The following VAT1L variants were observed in gnomAD, a reference collection of about 807,000 sequenced individuals.
VAT1L encodes the protein putative NADPH-dependent quinone oxidoreductase VAT1L.
Under a neutral mutation model 44.1 loss-of-function variants are expected in VAT1L, and 34 were observed. That is an observed-to-expected ratio of 0.77 (90% confidence interval 0.59 to 1.03). The LOEUF (loss-of-function observed/expected upper bound fraction) is 1.03. VAT1L is among the 50% of genes least tolerant of loss of function. VAT1L has a pLI of 0.00. For synonymous variants in VAT1L, 253 were observed against 202.2 expected (o/e 1.25, Z -2.13); for missense variants, 615 against 538.8 (o/e 1.14, Z -1.40).
Position 77,823,354 on chromosome 16 carries a change from C to A in VAT1L, c.364-1892C>A, listed in dbSNP as rs146594874. 5.9e-5 allele frequency among the ~76,000 whole-genome samples: 9 copies of A among 152,230 alleles called. No individual in the cohort carries two copies. The East Asian group carries it at 1.7e-3, about 29-fold the overall frequency. Reference sequence around the variant, plus strand: ...CCTTCCAAGTAGATTTTCCTCTAAGCCCTATCACTCATAGCACTTGTCATA... The same window carrying A: ...CCTTCCAAGTAGATTTTCCTCTAAGACCTATCACTCATAGCACTTGTCATA... On this transcript the variant is annotated intron_variant, in intron 2 of 8. Transcript: ENST00000302536.
intron 4 of VAT1L, among the ~76,000 whole-genome samples, chr16:77,864,762 T>C (rs2016954017): frequency 1.3e-5 from 2 of 152,110 alleles, no homozygotes; most frequent in South Asian, 4.1e-4. Context: ...ATGGTCTTAG[T>C]TTTCAGATTT....
intron 4 of VAT1L, among the ~76,000 whole-genome samples, chr16:77,874,778 T>G (rs2017069648): frequency 6.9e-6 from 1 of 144,116 alleles, no homozygotes; most frequent in Admixed American, 7.2e-5. Flanking sequence ...AGCAATATAC[T>G]ACATCCTCCA....
In VAT1L at chr16:77,977,842, CACT is replaced by C; in HGVS notation, c.*148_*150del. On this transcript the variant is annotated 3_prime_UTR_variant, in exon 9 of 9. Transcript: ENST00000302536. ...TCAGCTGAGCTAAAAAGCTGTTGATCACTGTTGTTTTTTGAAGTGCCAATCCCA... is the reference window on the plus strand; with the variant it reads ...TCAGCTGAGCTAAAAAGCTGTTGATCGTTGTTTTTTGAAGTGCCAATCCCA... 1.3e-6 allele frequency: 1 copy of C among 769,764 alleles called. No individual in the cohort carries two copies. Among genetic ancestry groups the C allele is most frequent in the African/African-American group, 1.8e-5 (1 of 57,042 alleles). 47.7% of individuals were successfully genotyped at this position (769,764 alleles called of 1,614,324 possible).
intron 3 of VAT1L, among the ~76,000 whole-genome samples, chr16:77,861,662 T>C (rs1288446119): frequency 6.6e-6 from 1 of 152,230 alleles, no homozygotes; most frequent in East Asian, 1.9e-4. Flanking sequence ...TTTTCTGCAC[T>C]TAACATGCCG....
At chr16:77,845,170 C>A (rs760697570) in intron 3 of VAT1L, among the ~76,000 whole-genome samples, 1 of 151,284 alleles carries the variant, frequency 6.6e-6, no homozygotes. Context: ...ATATCCCCAT[C>A]CCTGAGGTCG....
chr16:77,942,002 T>C (rs577380076), intron 7 of VAT1L, among the ~76,000 whole-genome samples: 1 of 152,342 alleles, frequency 6.6e-6, no homozygotes, highest in Non-Finnish European at 1.5e-5. Context: ...TTTTTAATAA[T>C]AGCCATTCTG....
intron 3 of VAT1L, among the ~76,000 whole-genome samples, chr16:77,833,833 G>C (rs977684757): frequency 6.6e-6 from 1 of 152,102 alleles, no homozygotes; most frequent in Non-Finnish European, 1.5e-5. Context: ...ATTAGAAGTG[G>C]AGGTGGGCTG....
chr16:77,824,798 G>T (rs2016499041), intron 2 of VAT1L, among the ~76,000 whole-genome samples: 1 of 148,384 alleles, frequency 6.7e-6, no homozygotes, highest in African/African-American at 2.5e-5. Flanking sequence ...AATTTGGATA[G>T]AGTTCTCAAG....
intron 7 of VAT1L, among the ~76,000 whole-genome samples, chr16:77,941,110 G>A (rs1567515908): frequency 6.6e-6 from 1 of 152,038 alleles, no homozygotes; most frequent in East Asian, 1.9e-4. Flanking sequence ...ATGCAGAGTG[G>A]GCTTTTCCTT....
At chr16:77,954,981 T>G (rs1436909654) in intron 7 of VAT1L, among the ~76,000 whole-genome samples, 1 of 152,176 alleles carries the variant, frequency 6.6e-6, no homozygotes, top group East Asian at 1.9e-4. Flanking sequence ...ATTTCTATTT[T>G]TAAGAAAAGC....
chr16:77,947,729 A>G (rs1379638310), intron 7 of VAT1L, among the ~76,000 whole-genome samples: 1 of 152,154 alleles, frequency 6.6e-6, no homozygotes, highest in African/African-American at 2.4e-5. Context: ...GCCTGAGTGT[A>G]TGCAGTTTCT....
In VAT1L at chr16:77,925,057, A is replaced by G. The variant is rs114135923; in HGVS notation, c.1077+40255A>G. 4.1e-3 allele frequency among the ~76,000 whole-genome samples: 625 copies of G among 152,296 alleles called. 4 individuals are homozygous for G. The highest frequency in any genetic ancestry group is 0.014 in the African/African-American group (595 of 41,572). ...TGAGAACATGGGTGGTCCGTTATGT[A>G]AAGCTCCTCATGGAATGTTCAGCTT... is the stretch of plus-strand genomic sequence containing the variant. On this transcript the variant is annotated intron_variant, in intron 7 of 8. Transcript: ENST00000302536.
chr16:77,802,622 ACAC>A (rs1567468329), intron 1 of VAT1L, among the ~76,000 whole-genome samples: 8,989 of 83,466 alleles, frequency 0.11, 272 homozygotes, highest in Non-Finnish European at 0.13. Context: ...TCAAACACAC[ACAC>A]ACACACACAC....
rs139784547 is a variant in VAT1L at position 77,849,124 on chromosome 16, G to A, written c.580-13624G>A. ...TTGATGGGTGCAGCAAACCACCATG[G>A]CACGTGTATGCCTATGTAACAAACC... On this transcript the variant is annotated intron_variant, in intron 3 of 8. Transcript: ENST00000302536. Among the ~76,000 whole-genome samples, 19 of 152,220 alleles carry A rather than the reference G, an allele frequency of 1.2e-4. 1 individual carries two copies. The East Asian group carries it at 3.7e-3, about 29-fold the overall frequency.
chr16:77,892,835 G>T, intron 7 of VAT1L: 1 of 868,350 alleles, frequency 1.2e-6, no homozygotes, highest in South Asian at 1.3e-5. Context: ...CATGAATATT[G>T]TGGAGGCCAT....
At chr16:77,862,647 A>AAAT in intron 3 of VAT1L, 101 bp from the exon 4 acceptor site, 2 of 990,338 alleles carry the variant, frequency 2.0e-6, no homozygotes, top group Non-Finnish European at 2.8e-6. Context: ...AAAAAAAAAA[A>AAAT]GTCAATAGTG....
chr16:77,860,038 A>G (rs2016900255), intron 3 of VAT1L, among the ~76,000 whole-genome samples: 1 of 152,192 alleles, frequency 6.6e-6, no homozygotes, highest in African/African-American at 2.4e-5. Context: ...ATTCGGACAC[A>G]GAGTGTCATA....
chr16:77,846,820 G>T (rs2145264421), intron 3 of VAT1L, among the ~76,000 whole-genome samples: 1 of 152,178 alleles, frequency 6.6e-6, no homozygotes, highest in Middle Eastern at 3.4e-3. Flanking sequence ...AGCTTAGAAA[G>T]AAAAAGATAA....
chr16:77,847,862 G>A (rs1167013343), intron 3 of VAT1L, among the ~76,000 whole-genome samples: 2 of 152,180 alleles, frequency 1.3e-5, no homozygotes, highest in African/African-American at 2.4e-5. Flanking sequence ...CCCAAAAATT[G>A]TGTTATACAA....
Sources: gnomAD v4.1 joint callset for allele counts (sites outside exome capture counted in the v4.1 genomes callset) on GRCh38, gnomAD v4.1.1 for gene constraint, MANE v1.5 for transcripts, NCBI Gene and HGNC (gene_info 2026-07-23, HGNC 2026-07-21) for gene names.